The following GRK4 variants were observed in gnomAD, a reference collection of about 807,000 sequenced individuals.
GRK4 encodes the protein G protein-coupled receptor kinase 2-like.
In GRK4, 73 loss-of-function variants were observed where a neutral mutation model predicts 77.9. The ratio of observed to expected loss-of-function variants is 0.94; its 90% CI spans 0.78 to 1.14. GRK4 has a LOEUF of 1.14. Among genes scored for constraint, GRK4 ranks in the 50% most tolerant of loss-of-function variants. GRK4 has a pLI of 0.00. For missense variants in GRK4, 729 were observed against 700.2 expected (o/e 1.04, Z -0.46); for synonymous variants, 257 against 254.4 (o/e 1.01, Z -0.10).
rs1036536726 is a variant in GRK4 at position 3,038,409 on chromosome 4, A to G, written c.1579A>G (p.Lys527Glu). 6 of 1,614,114 alleles carry G rather than the reference A, an allele frequency of 3.7e-6. No individual in the cohort carries two copies. In the East Asian group the frequency reaches 1.1e-4, roughly 30 times the overall value. ...ATCTGGGTGTTTCAAAGACATCAAC[A>G]AAAGTGAAAGTGAGGAAGCTTTGCC... ...IESGCFKDINKSESEEALPLD... is the reference protein window; with the variant it reads ...IESGCFKDINESESEEALPLD... Residue 527 changes from lysine to glutamate, a missense_variant, in exon 15 of 16, where the codon AAA becomes GAA. Coordinates refer to ENST00000398052, the MANE Select transcript of GRK4 (RefSeq NM_182982.3).
At chr4:3,000,643 C>CA in intron 4 of GRK4, among the ~76,000 whole-genome samples, 1 of 151,752 alleles carries the variant, frequency 6.6e-6, no homozygotes. Flanking sequence ...CGGCTCACTG[C>CA]AACCTTTGCC....
chr4:3,012,969 C>T (rs140028278), intron 7 of GRK4, among the ~76,000 whole-genome samples: 4,737 of 151,854 alleles, frequency 0.031, 94 homozygotes, highest in Middle Eastern at 0.041. Context: ...TGGTGAAATC[C>T]CGTCTTTACT....
intron 8 of GRK4, among the ~76,000 whole-genome samples, chr4:3,017,794 C>CTT (rs1734959972): frequency 6.6e-6 from 1 of 152,180 alleles, no homozygotes; most frequent in African/African-American, 2.4e-5. Context: ...GAAGCTAATG[C>CTT]CCAGTCATGC....
chr4:3,005,575 G>A (rs907580110), intron 5 of GRK4, among the ~76,000 whole-genome samples: 1 of 152,094 alleles, frequency 6.6e-6, no homozygotes, highest in African/African-American at 2.4e-5. Flanking sequence ...GGCCGAGGCG[G>A]GCAGATCGCT....
At chr4:2,971,346 A>G (rs1719482036) in intron 1 of GRK4, among the ~76,000 whole-genome samples, 2 of 152,068 alleles carry the variant, frequency 1.3e-5, no homozygotes, top group Non-Finnish European at 2.9e-5. Flanking sequence ...TTGTTTCAGC[A>G]CCTTTTGCCC....
At chr4:3,001,646 C>T (rs942937669) in intron 4 of GRK4, among the ~76,000 whole-genome samples, 3 of 152,080 alleles carry the variant, frequency 2.0e-5, no homozygotes, top group Non-Finnish European at 4.4e-5. Context: ...GGATTACAGG[C>T]GTGAGCCACC....
chr4:3,022,239 T>C (rs1356673292), intron 9 of GRK4, among the ~76,000 whole-genome samples, 175 bp from the exon 10 acceptor site: 1 of 152,226 alleles, frequency 6.6e-6, no homozygotes, highest in African/African-American at 2.4e-5. Context: ...ATGTGAGTTG[T>C]TTGCTGAGAT....
chr4:3,009,522 G>T, intron 6 of GRK4, 126 bp from the exon 7 acceptor site: 4 of 628,678 alleles, frequency 6.4e-6, no homozygotes, highest in Non-Finnish European at 1.1e-5. Context: ...GACACCCTTT[G>T]TCCCGGGCAT....
At chr4:3,035,023 C>T (rs865784272) in intron 12 of GRK4, among the ~76,000 whole-genome samples, 3 of 151,826 alleles carry the variant, frequency 2.0e-5, no homozygotes, top group Non-Finnish European at 2.9e-5. Flanking sequence ...TTTGGGAGGT[C>T]GAGGCGGGTG....
At chr4:3,008,302 G>T (rs997184475) in intron 6 of GRK4, among the ~76,000 whole-genome samples, 7 of 152,188 alleles carry the variant, frequency 4.6e-5, no homozygotes, top group African/African-American at 1.4e-4. Flanking sequence ...TGCAATGGGT[G>T]GGACCTGGCA....
rs1192049663 is a variant in GRK4 at position 2,988,738 on chromosome 4, A to G, written c.160A>G (p.Ser54Gly). The G allele has an allele frequency of 6.2e-7, 1 of 1,600,466 alleles. No homozygotes were observed. The highest frequency in any genetic ancestry group is 2.2e-5 in the East Asian group (1 of 44,854). The change falls in exon 3 of 16, where the codon AGC (serine) becomes GGC (glycine). Residue 54 changes from serine (S) to glycine (G), a missense_variant. By Grantham distance (56) the Ser-to-Gly change is moderately conservative. Coordinates refer to ENST00000398052, the MANE Select transcript of GRK4 (RefSeq NM_182982.3). ...ELRHSIEKDYSSLCDKQPIGR... is the reference protein window; with the variant it reads ...ELRHSIEKDYGSLCDKQPIGR... ...TTTGCTTCACCCAGAAAAGGATTATAGCAGTCTTTGTGACAAGCAACCGAT... is the reference window on the plus strand; with the variant it reads ...TTTGCTTCACCCAGAAAAGGATTATGGCAGTCTTTGTGACAAGCAACCGAT...
At position 3,013,067 on chromosome 4, in the gene GRK4, G is replaced by A. The variant is rs529866700; in HGVS notation, c.601-621G>A. Among the ~76,000 whole-genome samples the A allele has an allele frequency of 2.0e-4, 30 of 151,490 alleles. 1 individual carries two copies. The highest frequency in any genetic ancestry group is 3.4e-4 in the Non-Finnish European group (23 of 67,878). ...GGCTGAGGCAGGAGAATCTTGAGAC[G>A]GAGTCTCACTCTGTCGCCCAGGCTG... On this transcript the variant is annotated intron_variant, in intron 7 of 15. Transcript: ENST00000398052.
At chr4:2,989,214 C>T (rs1725400206) in intron 3 of GRK4, among the ~76,000 whole-genome samples, 3 of 151,582 alleles carry the variant, frequency 2.0e-5, no homozygotes, top group Non-Finnish European at 4.4e-5. Context: ...TAGACCTGGG[C>T]AATGATGTAG....
chr4:3,005,411 C>T (rs1731009083), intron 5 of GRK4, among the ~76,000 whole-genome samples: 1 of 151,914 alleles, frequency 6.6e-6, no homozygotes, highest in African/African-American at 2.4e-5. Flanking sequence ...GCCGTTGCAG[C>T]TCACATGTGG....
At position 2,977,460 on chromosome 4, in the gene GRK4, T is replaced by C. The variant is rs191139156; in HGVS notation, c.53-7053T>C. Among the ~76,000 whole-genome samples the C allele has an allele frequency of 1.2e-4, 18 of 152,356 alleles. No homozygotes were observed. The East Asian group carries it at 3.5e-3, about 29-fold the overall frequency. ...GTTTTTTATTAGGTTAATATTTCCCTCTAGATACTGACATCTGTATCAGTT... is the reference window on the plus strand; with the variant it reads ...GTTTTTTATTAGGTTAATATTTCCCCCTAGATACTGACATCTGTATCAGTT... On this transcript the variant is annotated intron_variant, in intron 1 of 15. Coordinates refer to ENST00000398052, the MANE Select transcript of GRK4 (RefSeq NM_182982.3).
chr4:2,997,908 C>CAA lies in GRK4; in HGVS notation c.339+5632_339+5633dup, dbSNP rs34665052. Among the ~76,000 whole-genome samples, 685 of 108,622 alleles carry CAA rather than the reference C, an allele frequency of 6.3e-3. 3 individuals carry two copies. The highest frequency in any genetic ancestry group is 0.013 in the African/African-American group (401 of 30,588). 71.3% of individuals were successfully genotyped at this position (108,622 alleles called of 152,430 possible). ...GGATGACAGAGTGAGACTCCATCTC[C>CAA]AAAAAAAAAAAAAAAAAGTAAAAGA... On this transcript the variant is annotated intron_variant, in intron 4 of 15. Transcript: ENST00000398052.
At chr4:2,975,194 T>A (rs1486299338) in intron 1 of GRK4, among the ~76,000 whole-genome samples, 1 of 152,090 alleles carries the variant, frequency 6.6e-6, no homozygotes, top group Non-Finnish European at 1.5e-5. Flanking sequence ...TCCCAGCTAC[T>A]TGGGAGGCTG....
intron 2 of GRK4, chr4:2,987,041 A>G (rs1191911300): frequency 6.4e-6 from 3 of 468,662 alleles, no homozygotes; most frequent in African/African-American, 2.0e-5. Flanking sequence ...TGAAACCATC[A>G]CCACAGTCAA....
intron 12 of GRK4, among the ~76,000 whole-genome samples, chr4:3,030,948 G>A (rs773594987): frequency 9.8e-5 from 15 of 152,338 alleles, no homozygotes; most frequent in South Asian, 2.1e-4. Context: ...GCCATTGGGG[G>A]CTTTGCAGCG....
Sources: gnomAD v4.1 joint callset for allele counts (sites outside exome capture counted in the v4.1 genomes callset) on GRCh38, gnomAD v4.1.1 for gene constraint, MANE v1.5 for transcripts, NCBI Gene and HGNC (gene_info 2026-07-23, HGNC 2026-07-21) for gene names.